Variants in BBS9 observed in about 807,000 individuals in gnomAD.
The protein encoded by BBS9 is protein PTHB1.
Under a neutral mutation model 117.7 loss-of-function variants are expected in BBS9, and 89 were observed. That is an observed-to-expected ratio of 0.76 (90% confidence interval 0.64 to 0.90). The LOEUF is 0.90. Ranked by LOEUF, BBS9 falls within the 40% of genes least tolerant of loss-of-function variation. The pLI, the probability that BBS9 is intolerant of heterozygous loss-of-function variation, is 0.00. For synonymous variants in BBS9, 379 were observed against 370.9 expected (o/e 1.02, Z -0.25); for missense variants, 982 against 1,042.2 (o/e 0.94, Z 0.80).
chr7:33,383,686 G>A lies in BBS9; in HGVS notation c.1810G>A (p.Glu604Lys), dbSNP rs1563095682. ...KTSQRYRIQSEQFEDLWLITN... is the reference protein window; with the variant it reads ...KTSQRYRIQSKQFEDLWLITN... ...CTCAGAACGATATCGCATTCAGAGTGAACAATTTGAAGATCTTTGGCTCAT... is the reference window on the plus strand; with the variant it reads ...CTCAGAACGATATCGCATTCAGAGTAAACAATTTGAAGATCTTTGGCTCAT... Residue 604 changes from glutamate to lysine, a missense_variant, in exon 18 of 23, where the codon GAA (glutamate) becomes AAA (lysine). Physicochemically the swap from Glu to Lys is moderately conservative, Grantham distance 56. Transcript: ENST00000242067. 3.1e-6 allele frequency: 5 copies of A among 1,608,542 alleles called. No homozygotes were observed. The highest frequency in any genetic ancestry group is 1.1e-5 in the South Asian group (1 of 90,280).
chr7:33,267,854 C>T (rs1799088185), intron 7 of BBS9, among the ~76,000 whole-genome samples: 1 of 152,104 alleles, frequency 6.6e-6, no homozygotes, highest in East Asian at 1.9e-4. Context: ...CATTTTCCTT[C>T]AAACTAAAGG....
At chr7:33,605,153 G>C in intron 22 of BBS9, 42 bp from the exon 23 acceptor site, 5 of 1,579,898 alleles carry the variant, frequency 3.2e-6, no homozygotes, top group Non-Finnish European at 3.5e-6. Flanking sequence ...TCACTATTCA[G>C]ATCTTTTCTC....
chr7:33,196,269 G>T (rs139876098), intron 5 of BBS9, among the ~76,000 whole-genome samples: 5 of 152,064 alleles, frequency 3.3e-5, no homozygotes, highest in African/African-American at 1.2e-4. Context: ...TAGATAATCA[G>T]ATCCTCAGCC....
intron 19 of BBS9, among the ~76,000 whole-genome samples, chr7:33,503,226 C>T (rs1195748376): frequency 2.6e-5 from 4 of 152,098 alleles, no homozygotes; most frequent in Admixed American, 6.6e-5. Flanking sequence ...GACAGCAGAG[C>T]GTTAAACAAG....
At chr7:33,218,296 A>T (rs1789461895) in intron 5 of BBS9, among the ~76,000 whole-genome samples, 1 of 152,204 alleles carries the variant, frequency 6.6e-6, no homozygotes, top group South Asian at 2.1e-4. Context: ...TTCAGGGAAA[A>T]CTTTCTGAGT....
intron 5 of BBS9, among the ~76,000 whole-genome samples, chr7:33,219,360 G>A (rs550094880): frequency 8.3e-4 from 126 of 152,336 alleles, no homozygotes; most frequent in African/African-American, 2.9e-3. Flanking sequence ...GGGAGTGCGG[G>A]CACAGGGCGC....
intron 19 of BBS9, among the ~76,000 whole-genome samples, chr7:33,461,838 T>C (rs1584914059): frequency 6.6e-6 from 1 of 152,014 alleles, no homozygotes; most frequent in East Asian, 1.9e-4. Context: ...CCTAAAAAGA[T>C]AGTCTTTTAG....
intron 21 of BBS9, among the ~76,000 whole-genome samples, chr7:33,626,597 G>A (rs1865648005): frequency 6.6e-6 from 1 of 152,204 alleles, no homozygotes; most frequent in African/African-American, 2.4e-5. Context: ...GGTGGTCTCA[G>A]ATAGAGGTGA....
rs142905890 is a variant in BBS9, at chr7:33,136,732, G to C, written c.-12+6691G>C. ...TATTATTGGATTCAATTAGCTAGTA[G>C]TATTTTGTTGAGGATTTTTGCATCC... On this transcript the variant is annotated intron_variant, in intron 1 of 22. Coordinates refer to ENST00000242067, the MANE Select transcript of BBS9 (RefSeq NM_198428.3). Among the ~76,000 whole-genome samples the C allele has an allele frequency of 4.4e-4, 67 of 152,250 alleles. 5 individuals carry two copies. In the East Asian group the frequency reaches 0.013, roughly 29 times the overall value.
chr7:33,459,195 C>T (rs904531956), intron 19 of BBS9, among the ~76,000 whole-genome samples: 4 of 152,044 alleles, frequency 2.6e-5, no homozygotes, highest in African/African-American at 9.7e-5. Flanking sequence ...TTAACGCCAG[C>T]CAGAATCTTG....
chr7:33,622,098 T>C (rs1865437503), intron 21 of BBS9, among the ~76,000 whole-genome samples: 1 of 152,126 alleles, frequency 6.6e-6, no homozygotes. Flanking sequence ...TAATTGCAGC[T>C]ACTCCAGAGG....
chr7:33,542,012 G>C (rs1246895618), intron 21 of BBS9, among the ~76,000 whole-genome samples: 1 of 152,018 alleles, frequency 6.6e-6, no homozygotes, highest in Non-Finnish European at 1.5e-5. Context: ...GAAAATTCAG[G>C]TGAACTAAAA....
intron 9 of BBS9, among the ~76,000 whole-genome samples, chr7:33,335,251 T>A (rs541170289): frequency 2.6e-5 from 4 of 152,370 alleles, no homozygotes; most frequent in African/African-American, 9.6e-5. Flanking sequence ...TGTTTACTTT[T>A]AGAGACAAGG....
chr7:33,472,856 C>T (rs1841251140), intron 19 of BBS9, among the ~76,000 whole-genome samples: 1 of 152,202 alleles, frequency 6.6e-6, no homozygotes, highest in South Asian at 2.1e-4. Flanking sequence ...TAAACATTGT[C>T]AACAGTGTCA....
intron 5 of BBS9, among the ~76,000 whole-genome samples, chr7:33,206,714 T>C (rs1787001528): frequency 6.6e-6 from 1 of 152,176 alleles, no homozygotes; most frequent in African/African-American, 2.4e-5. Flanking sequence ...ATAACATTTT[T>C]ATCTACTGTA....
At chr7:33,260,144 C>T (rs977714195) in intron 6 of BBS9, among the ~76,000 whole-genome samples, 2 of 151,980 alleles carry the variant, frequency 1.3e-5, no homozygotes, top group South Asian at 2.1e-4. Flanking sequence ...GGACTACAGG[C>T]GCATGCTGCC....
chr7:33,582,657 A>G (rs921296107), intron 21 of BBS9, among the ~76,000 whole-genome samples: 3 of 151,952 alleles, frequency 2.0e-5, no homozygotes, highest in African/African-American at 4.8e-5. Context: ...CTGCCCATTC[A>G]TTTTATTCAA....
At chr7:33,245,072 G>A (rs1037621987) in intron 5 of BBS9, among the ~76,000 whole-genome samples, 3 of 152,064 alleles carry the variant, frequency 2.0e-5, no homozygotes, top group Non-Finnish European at 4.4e-5. Context: ...TTTAATCTGA[G>A]TATGCTTTTG....
intron 21 of BBS9, among the ~76,000 whole-genome samples, chr7:33,552,530 T>A (rs1283355877): frequency 6.6e-6 from 1 of 152,158 alleles, no homozygotes; most frequent in African/African-American, 2.4e-5. Flanking sequence ...TTTTCTTAGA[T>A]CAACTCTGCA....
Sources: gnomAD v4.1 joint callset for allele counts (sites outside exome capture counted in the v4.1 genomes callset) on GRCh38, gnomAD v4.1.1 for gene constraint, MANE v1.5 for transcripts, NCBI Gene and HGNC (gene_info 2026-07-23, HGNC 2026-07-21) for gene names.